The following GUCY2F variants were observed in gnomAD, a reference collection of about 807,000 sequenced individuals.
GUCY2F encodes the protein retinal guanylyl cyclase 2.
GUCY2F carries 61 observed loss-of-function variants against 73.1 expected under a neutral mutation model. That is an observed-to-expected ratio of 0.83 (90% CI 0.68 to 1.03). The LOEUF (loss-of-function observed/expected upper bound fraction) is 1.03. GUCY2F is among the 50% of genes least tolerant of loss of function. GUCY2F has a pLI of 0.00. For missense variants in GUCY2F, 912 were observed against 854.3 expected, an observed-to-expected ratio of 1.07 and a Z score of -0.84; for synonymous variants, 331 against 307.8, an observed-to-expected ratio of 1.08 and a Z score of -0.79.
intron 14 of GUCY2F, among the ~76,000 whole-genome samples, chrX:109,391,638 T>C (rs1279658409): frequency 9.0e-6 from 1 of 111,633 alleles, no homozygotes; most frequent in African/African-American, 3.3e-5. Context: ...CCCAACATCT[T>C]CTTAGTCCCA....
At chrX:109,394,625 A>C (rs1569357259) in intron 12 of GUCY2F, among the ~76,000 whole-genome samples, 1 of 112,130 alleles carries the variant, frequency 8.9e-6, no homozygotes, top group Non-Finnish European at 1.9e-5. Flanking sequence ...TAATTTCAAC[A>C]AAGCCTAAAC....
intron 2 of GUCY2F, among the ~76,000 whole-genome samples, chrX:109,472,005 T>A (rs955904881): frequency 6.3e-5 from 7 of 111,981 alleles, no homozygotes; most frequent in African/African-American, 2.3e-4. Flanking sequence ...GCTATTATTA[T>A]TGCTATTATT....
At chrX:109,465,501 A>G in intron 2 of GUCY2F, 58 bp from the exon 3 acceptor site, 1 of 852,406 alleles carries the variant, frequency 1.2e-6, no homozygotes, top group East Asian at 3.1e-5. Flanking sequence ...GCACAGTACC[A>G]AAAACTACAG....
intron 5 of GUCY2F, among the ~76,000 whole-genome samples, chrX:109,451,197 T>C (rs1383901719): frequency 1.8e-5 from 2 of 112,133 alleles, no homozygotes; most frequent in Admixed American, 9.4e-5. Flanking sequence ...ATGCAAAGTT[T>C]ATAGGAAAGA....
intron 9 of GUCY2F, among the ~76,000 whole-genome samples, chrX:109,405,919 C>T (rs1195569494): frequency 9.0e-6 from 1 of 111,562 alleles, no homozygotes; most frequent in East Asian, 2.8e-4. Flanking sequence ...CAACGAGTAC[C>T]TCATTTAACC....
intron 2 of GUCY2F, among the ~76,000 whole-genome samples, chrX:109,471,433 C>CT (rs1165367086): frequency 7.1e-5 from 8 of 112,399 alleles, no homozygotes; most frequent in Non-Finnish European, 1.5e-4. Flanking sequence ...GAATGCAACC[C>CT]TACAGGTGCC....
At chrX:109,394,475 A>G (rs1930654606) in intron 12 of GUCY2F, among the ~76,000 whole-genome samples, 1 of 111,465 alleles carries the variant, frequency 9.0e-6, no homozygotes, top group Non-Finnish European at 1.9e-5. Context: ...CAGGCTTTCA[A>G]TCCAACTCTT....
chrX:109,464,150 G>A (rs1294553232), intron 3 of GUCY2F, among the ~76,000 whole-genome samples: 4 of 111,537 alleles, frequency 3.6e-5, no homozygotes, highest in East Asian at 5.6e-4. Flanking sequence ...GTACAGAAAC[G>A]TCCCTCTGTA....
intron 9 of GUCY2F, among the ~76,000 whole-genome samples, chrX:109,407,009 G>A (rs755272546): frequency 7.1e-5 from 8 of 112,194 alleles, no homozygotes; most frequent in East Asian, 2.8e-4. Context: ...AAAGATACTC[G>A]AAAATGTGGA....
rs1189157595 is a variant in GUCY2F, at chrX:109,430,369, A to G, written c.1729T>C (p.Ser577Pro). ...EGDWVWLKKF[S>P]LGDFGDLKSI... ...TTAAGGTCTCCAAAATCTCCAAGGG[A>G]GAACTTTTTCAGCCACACCCAATCA... Residue 577 changes from serine to proline, a missense_variant, in exon 8 of 20, where the codon TCC becomes CCC. Ser to Pro is a moderately conservative substitution (Grantham distance 74). Coordinates refer to ENST00000218006, the MANE Select transcript of GUCY2F (RefSeq NM_001522.3). 8.8e-7 allele frequency: 1 copy of G among 1,139,108 alleles called. No individual in the cohort carries two copies. 93.9% of individuals were successfully genotyped at this position (1,139,108 alleles called of 1,213,427 possible).
At chrX:109,454,104 A>C (rs1413811058) in intron 3 of GUCY2F, among the ~76,000 whole-genome samples, 1 of 111,820 alleles carries the variant, frequency 8.9e-6, no homozygotes, top group Non-Finnish European at 1.9e-5. Flanking sequence ...GAGCAAACCA[A>C]GTCATACATA....
chrX:109,450,419 G>A (rs7891601), intron 5 of GUCY2F, among the ~76,000 whole-genome samples: 1,988 of 111,605 alleles, frequency 0.018, 43 homozygotes, highest in African/African-American at 0.061. Flanking sequence ...CGGTTGACAA[G>A]TAACATAAAC....
At chrX:109,436,105 C>G (rs1402989818) in intron 7 of GUCY2F, among the ~76,000 whole-genome samples, 2 of 111,197 alleles carry the variant, frequency 1.8e-5, no homozygotes, top group Non-Finnish European at 3.8e-5. Context: ...ACAAACAACC[C>G]CATCAAAAAG....
intron 8 of GUCY2F, among the ~76,000 whole-genome samples, chrX:109,417,463 C>T (rs1931272189): frequency 9.0e-6 from 1 of 110,771 alleles, no homozygotes; most frequent in Non-Finnish European, 1.9e-5. Context: ...ATTCCTAGGA[C>T]AGTCACTAAA....
At chrX:109,468,989 T>C (rs1932523612) in intron 2 of GUCY2F, among the ~76,000 whole-genome samples, 1 of 112,082 alleles carries the variant, frequency 8.9e-6, no homozygotes, top group Admixed American at 9.4e-5. Context: ...AAAGGATTAG[T>C]GTACAGAAAC....
Position 109,429,735 on chromosome X carries a change from G to A in GUCY2F, c.1791+572C>T, listed in dbSNP as rs149731741. Among the ~76,000 whole-genome samples, 232 of 112,270 alleles carry A rather than the reference G, an allele frequency of 2.1e-3. 1 individual carries two copies. The South Asian group carries it at 0.025, about 12-fold the overall frequency. On this transcript the variant is annotated intron_variant, in intron 8 of 19. Coordinates refer to ENST00000218006, the MANE Select transcript of GUCY2F (RefSeq NM_001522.3). ...GGAGCCAAGATTTTAAAATGGCTTA[G>A]GAAGGATCATCAGTATCCCTGCCTT...
chrX:109,373,499 A>C (rs1416804120), intron 19 of GUCY2F, among the ~76,000 whole-genome samples: 1 of 111,830 alleles, frequency 8.9e-6, no homozygotes, highest in African/African-American at 3.3e-5. Flanking sequence ...AAAAGGTTTA[A>C]AAGAGGTGGA....
chrX:109,414,098 A>G (rs1230587905), intron 8 of GUCY2F, among the ~76,000 whole-genome samples: 1 of 110,112 alleles, frequency 9.1e-6, no homozygotes, highest in East Asian at 2.8e-4. Context: ...TCTCCTCCCA[A>G]ATAGCTGGGA....
chrX:109,409,124 G>T lies in GUCY2F; in HGVS notation c.1836C>A (p.Phe612Leu). 1.8e-6 allele frequency: 2 copies of T among 1,130,348 alleles called. No homozygotes were observed. 93.2% of individuals were successfully genotyped at this position (1,130,348 alleles called of 1,213,427 possible). A position where few individuals can be genotyped will look rare whatever the true frequency, so the allele number is the denominator to read the frequency against. The change falls in exon 9 of 20, where the codon TTC becomes TTA. Residue 612 changes from phenylalanine (F) to leucine (L), a missense_variant. Phe to Leu is a conservative substitution (Grantham distance 22, BLOSUM62 0). Transcript: ENST00000218006. ...RHENINPLLG[F>L]FYDSGMFAIV... ...TGGCAAACATCCCCGAATCATAGAA[G>T]AAACCCAATAAAGGGTTAATATTCT...
Sources: allele counts gnomAD v4.1 joint callset (sites outside exome capture counted in the v4.1 genomes callset), GRCh38; gene constraint gnomAD v4.1.1; transcripts MANE v1.5; gene names NCBI Gene and HGNC (gene_info 2026-07-23, HGNC 2026-07-21).